The following PPM1B variants were observed in gnomAD, a reference collection of about 807,000 sequenced individuals.
PPM1B encodes protein phosphatase, Mg2+/Mn2+ dependent 1B, also known as protein phosphatase 1B.
PPM1B carries 22 observed loss-of-function variants against 43.0 expected under a neutral mutation model. That is an observed-to-expected ratio of 0.51 (90% CI 0.37 to 0.73). The LOEUF is 0.73. PPM1B is among the 30% of genes least tolerant of loss of function. The probability of loss-of-function intolerance (pLI) is 0.00; values close to 1 mark genes in which losing one functional copy is unlikely to be tolerated. For synonymous variants in PPM1B, 217 were observed against 197.9 expected (o/e 1.10, Z -0.81); for missense variants, 632 against 584.2 (o/e 1.08, Z -0.84).
At chr2:44,229,055 G>A (rs1471425932) in intron 5 of PPM1B, among the ~76,000 whole-genome samples, 1 of 151,808 alleles carries the variant, frequency 6.6e-6, no homozygotes, top group African/African-American at 2.4e-5. Flanking sequence ...GGTGTCACAT[G>A]CCTGTAATCC....
intron 5 of PPM1B, among the ~76,000 whole-genome samples, chr2:44,228,423 C>G (rs1670321927): frequency 6.6e-6 from 1 of 152,076 alleles, no homozygotes. Flanking sequence ...ATCCTCCTAC[C>G]CGTCTCCCAA....
At chr2:44,196,666 A>G (rs1668677288) in intron 1 of PPM1B, among the ~76,000 whole-genome samples, 1 of 152,206 alleles carries the variant, frequency 6.6e-6, no homozygotes, top group Non-Finnish European at 1.5e-5. Context: ...TGGTATCCCC[A>G]TTCATTTACG....
intron 5 of PPM1B, among the ~76,000 whole-genome samples, chr2:44,222,809 A>T (rs1020376684): frequency 1.3e-5 from 2 of 152,136 alleles, no homozygotes; most frequent in Admixed American, 6.6e-5. Context: ...TTTTGTAAAT[A>T]TCATGTTTAT....
At chr2:44,239,804 C>T (rs1412431989) in intron 5 of PPM1B, among the ~76,000 whole-genome samples, 1 of 152,146 alleles carries the variant, frequency 6.6e-6, no homozygotes, top group African/African-American at 2.4e-5. Flanking sequence ...ATTGTGCCAA[C>T]ACCATGCCAC....
At chr2:44,204,816 G>A (rs12998165) in intron 2 of PPM1B, among the ~76,000 whole-genome samples, 82,289 of 140,972 alleles carry the variant, frequency 0.58, 23,908 homozygotes, top group Admixed American at 0.69. Flanking sequence ...CCGAGATCAC[G>A]CCACTGCACT....
chr2:44,222,892 A>C (rs1052449067), intron 5 of PPM1B, among the ~76,000 whole-genome samples: 3 of 152,094 alleles, frequency 2.0e-5, no homozygotes, highest in African/African-American at 7.2e-5. Context: ...GTGCTATGGC[A>C]CCATCATGGC....
At chr2:44,196,767 G>A (rs1183200895) in intron 1 of PPM1B, among the ~76,000 whole-genome samples, 3 of 152,124 alleles carry the variant, frequency 2.0e-5, no homozygotes, top group African/African-American at 7.2e-5. Flanking sequence ...TGCTCAGATT[G>A]TTTATCCATT....
intron 2 of PPM1B, among the ~76,000 whole-genome samples, chr2:44,208,094 TAGTC>T (rs1669280404): frequency 6.6e-6 from 1 of 151,486 alleles, no homozygotes; most frequent in Admixed American, 6.6e-5. Context: ...TTCACCATGT[TAGTC>T]AGGCTGGTCT....
In PPM1B at chr2:44,194,898, C is replaced by CTT. The variant is rs796213050; in HGVS notation, c.-14-6271_-14-6270dup. ...TGCAAGATAGACCTCCAGTCTTTTG[C>CTT]TTTTTTTTTTTTTTTTTTGAGACGG... is the stretch of plus-strand genomic sequence containing the variant. On this transcript the variant is annotated intron_variant, in intron 1 of 5. Transcript: ENST00000282412. Among the ~76,000 whole-genome samples the CTT allele has an allele frequency of 4.4e-3, 547 of 123,234 alleles. 9 individuals are homozygous for CTT. The highest frequency in any genetic ancestry group is 0.012 in the African/African-American group (376 of 32,348). 80.8% of individuals were successfully genotyped at this position (123,234 alleles called of 152,430 possible). A position where few individuals can be genotyped will look rare whatever the true frequency, so the allele number is the denominator to read the frequency against.
chr2:44,234,698 T>G (rs754735718), downstream of PPM1B: 4 of 765,094 alleles, frequency 5.2e-6, no homozygotes, highest in Non-Finnish European at 6.4e-6. Flanking sequence ...CCACTTATAC[T>G]CTTACAAATT....
rs146463178 is a variant in PPM1B, at chr2:44,199,244, C to G, written c.-14-1942C>G. Among the ~76,000 whole-genome samples the G allele has an allele frequency of 7.2e-3, 960 of 132,838 alleles. 15 individuals are homozygous for G. The highest frequency in any genetic ancestry group is 0.026 in the African/African-American group (882 of 34,458). 87.1% of individuals were successfully genotyped at this position (132,838 alleles called of 152,430 possible). A position where few individuals can be genotyped will look rare whatever the true frequency, so the allele number is the denominator to read the frequency against. On this transcript the variant is annotated intron_variant, in intron 1 of 5. Transcript: ENST00000282412. ...TTGCACTCCAGCCTGGGCGATAAAG[C>G]GAGATTCCATCTCAAAAAAAAAAAA...
chr2:44,171,634 A>C (rs918947572), intron 1 of PPM1B, among the ~76,000 whole-genome samples: 1 of 151,812 alleles, frequency 6.6e-6, no homozygotes, highest in Non-Finnish European at 1.5e-5. Context: ...GTTCATGACC[A>C]GCCTGGCCAA....
chr2:44,234,090 A>C (rs945431116), downstream of PPM1B: 2 of 968,798 alleles, frequency 2.1e-6, no homozygotes, highest in Non-Finnish European at 2.5e-6. Flanking sequence ...GGTATGATTC[A>C]GTTTTTAATG....
At chr2:44,209,746 C>T (rs909151099) in intron 3 of PPM1B, among the ~76,000 whole-genome samples, 1 of 148,216 alleles carries the variant, frequency 6.7e-6, no homozygotes, top group Non-Finnish European at 1.5e-5. Context: ...CACTGCACTC[C>T]AGCCTGGGCA....
chr2:44,221,064 A>G (rs1669958112), intron 5 of PPM1B, among the ~76,000 whole-genome samples: 1 of 152,218 alleles, frequency 6.6e-6, no homozygotes, highest in Non-Finnish European at 1.5e-5. Flanking sequence ...CATAAGAATG[A>G]TAGATTCAAA....
chr2:44,169,656 C>T (rs1231494071), intron 1 of PPM1B, among the ~76,000 whole-genome samples: 1 of 152,254 alleles, frequency 6.6e-6, no homozygotes, highest in African/African-American at 2.4e-5. Flanking sequence ...GGTGCATGCC[C>T]TGTTTGAAAA....
intron 5 of PPM1B, among the ~76,000 whole-genome samples, chr2:44,242,879 C>A (rs1174220718): frequency 6.6e-6 from 1 of 152,130 alleles, no homozygotes; most frequent in Non-Finnish European, 1.5e-5. Context: ...TTACCTATGT[C>A]ATGGATTATT....
chr2:44,234,090 A>G (rs945431116), downstream of PPM1B: 1 of 968,798 alleles, frequency 1.0e-6, no homozygotes, highest in Non-Finnish European at 1.2e-6. Context: ...GGTATGATTC[A>G]GTTTTTAATG....
intron 5 of PPM1B, among the ~76,000 whole-genome samples, chr2:44,225,469 C>T (rs866673699): frequency 1.3e-5 from 2 of 152,048 alleles, no homozygotes; most frequent in African/African-American, 2.4e-5. Flanking sequence ...ATAATGGCTG[C>T]GGAAGAGGTT....
Sources: allele counts gnomAD v4.1 joint callset (sites outside exome capture counted in the v4.1 genomes callset), GRCh38; gene constraint gnomAD v4.1.1; transcripts MANE v1.5; gene names NCBI Gene and HGNC (gene_info 2026-07-23, HGNC 2026-07-21).